The following DPP10 variants were observed in gnomAD, a reference collection of about 807,000 sequenced individuals.
The protein encoded by DPP10 is inactive dipeptidyl peptidase 10.
DPP10 carries 33 observed loss-of-function variants against 120.9 expected under a neutral mutation model. The ratio of observed to expected loss-of-function variants is 0.27; its 90% confidence interval spans 0.21 to 0.37. The LOEUF is 0.37. Ranked by LOEUF, DPP10 falls within the 10% of genes least tolerant of loss-of-function variation. The probability of loss-of-function intolerance (pLI) is 1.00; values close to 1 mark genes in which losing one functional copy is unlikely to be tolerated. For missense variants in DPP10, 816 were observed against 942.8 expected (o/e 0.87, Z 1.76); for synonymous variants, 337 against 326.1 (o/e 1.03, Z -0.36).
rs1218882734 is a variant in DPP10, at chr2:115,745,621, G to A, written c.853-465G>A. 3.3e-5 allele frequency among the ~76,000 whole-genome samples: 5 copies of A among 150,564 alleles called. 2 individuals carry two copies. The Admixed American group carries it at 3.5e-4, about 11-fold the overall frequency. ...ACGGTTTTGGAATTTTAAGCACAGG[G>A]CACCTGGTTTTGGTAGGCGTCTTTC... On this transcript the variant is annotated intron_variant, in intron 9 of 25. Transcript: ENST00000410059.
intron 1 of DPP10, among the ~76,000 whole-genome samples, chr2:114,567,593 TAA>T (rs944278103): frequency 2.0e-5 from 3 of 152,164 alleles, no homozygotes; most frequent in African/African-American, 7.2e-5. Context: ...TGTGACATAA[TAA>T]AATTACATTT....
intron 1 of DPP10, among the ~76,000 whole-genome samples, chr2:114,797,007 C>G (rs542096246): frequency 6.6e-6 from 1 of 152,182 alleles, no homozygotes; most frequent in Admixed American, 6.5e-5. Context: ...CTACATAGCT[C>G]AACAGTCTAG....
intron 3 of DPP10, among the ~76,000 whole-genome samples, chr2:115,366,971 A>G (rs1559491132): frequency 6.6e-6 from 1 of 152,028 alleles, no homozygotes; most frequent in South Asian, 2.1e-4. Context: ...ATATCCCGCA[A>G]TATGTGGAAT....
intron 1 of DPP10, among the ~76,000 whole-genome samples, chr2:115,071,287 C>T (rs909032823): frequency 9.2e-5 from 14 of 152,250 alleles, no homozygotes; most frequent in Admixed American, 7.2e-4. Flanking sequence ...ACATCCTCCT[C>T]CACGTCCCAT....
At chr2:115,232,378 G>C (rs1427884139) in intron 1 of DPP10, among the ~76,000 whole-genome samples, 2 of 152,138 alleles carry the variant, frequency 1.3e-5, no homozygotes, top group Non-Finnish European at 2.9e-5. Flanking sequence ...AGCTGGGTAT[G>C]GGGGAGAAGG....
intron 1 of DPP10, among the ~76,000 whole-genome samples, chr2:114,476,013 T>C (rs1680342675): frequency 6.6e-6 from 1 of 152,152 alleles, no homozygotes; most frequent in Non-Finnish European, 1.5e-5. Flanking sequence ...AGGGCCAGGG[T>C]TTTTCTTCTA....
intron 1 of DPP10, among the ~76,000 whole-genome samples, chr2:115,040,560 A>G (rs1384943726): frequency 6.6e-6 from 1 of 151,430 alleles, no homozygotes; most frequent in Non-Finnish European, 1.5e-5. Context: ...GTTTTCTGTG[A>G]TCACCTGGTG....
At chr2:115,715,969 A>G (rs1300982966) in intron 7 of DPP10, among the ~76,000 whole-genome samples, 4 of 152,208 alleles carry the variant, frequency 2.6e-5, no homozygotes, top group African/African-American at 9.7e-5. Flanking sequence ...AAATAATACA[A>G]ATACAGACAT....
intron 1 of DPP10, among the ~76,000 whole-genome samples, chr2:114,749,908 C>T (rs560965871): frequency 6.6e-6 from 1 of 152,140 alleles, no homozygotes; most frequent in African/African-American, 2.4e-5. Context: ...ATAATTTAGG[C>T]TACAAAGGAG....
At chr2:115,284,261 A>C (rs543785417) in intron 1 of DPP10, among the ~76,000 whole-genome samples, 1 of 152,150 alleles carries the variant, frequency 6.6e-6, no homozygotes, top group Admixed American at 6.6e-5. Context: ...GACAAAATGC[A>C]AATTACTTCT....
intron 1 of DPP10, among the ~76,000 whole-genome samples, chr2:114,533,910 T>TAA (rs1182253368): frequency 6.6e-6 from 1 of 152,190 alleles, no homozygotes; most frequent in African/African-American, 2.4e-5. Context: ...CCTTTACATC[T>TAA]AAAAACTCTT....
chr2:114,854,493 A>G (rs1010906815), intron 1 of DPP10, among the ~76,000 whole-genome samples: 2 of 152,212 alleles, frequency 1.3e-5, no homozygotes, highest in Admixed American at 1.3e-4. Flanking sequence ...CACCTCTGGC[A>G]GAGAGGTTGG....
intron 5 of DPP10, among the ~76,000 whole-genome samples, chr2:115,528,737 T>G (rs770323932): frequency 6.6e-6 from 1 of 151,992 alleles, no homozygotes. Context: ...TTCGGAATTA[T>G]GCCAAGTGAA....
chr2:114,673,052 G>T (rs1001544438), intron 1 of DPP10, among the ~76,000 whole-genome samples: 2 of 152,114 alleles, frequency 1.3e-5, no homozygotes, highest in Non-Finnish European at 2.9e-5. Flanking sequence ...TTAGGACTGT[G>T]ATTTGAGTAT....
intron 1 of DPP10, among the ~76,000 whole-genome samples, chr2:115,200,142 T>C (rs2055590645): frequency 6.6e-6 from 1 of 152,108 alleles, no homozygotes; most frequent in African/African-American, 2.4e-5. Context: ...AGCAAGAAAA[T>C]TTAACAGTGC....
At chr2:115,180,348 G>T (rs17355498) in intron 1 of DPP10, among the ~76,000 whole-genome samples, 56,481 of 151,968 alleles carry the variant, frequency 0.37, 12,267 homozygotes, top group Non-Finnish European at 0.49. Flanking sequence ...ATACTGAATA[G>T]GTATGACTTG....
intron 1 of DPP10, among the ~76,000 whole-genome samples, chr2:114,778,530 G>T (rs191541243): frequency 1.3e-5 from 2 of 152,056 alleles, no homozygotes; most frequent in African/African-American, 4.8e-5. Flanking sequence ...TCTTTTTCAC[G>T]CAATTATTTA....
At chr2:115,805,758 G>C (rs1685880017) in intron 19 of DPP10, among the ~76,000 whole-genome samples, 1 of 151,832 alleles carries the variant, frequency 6.6e-6, no homozygotes, top group Non-Finnish European at 1.5e-5. Flanking sequence ...TACTTTTAGT[G>C]GAGATGGGCT....
chr2:115,832,872 C>T (rs1689077706), intron 21 of DPP10, among the ~76,000 whole-genome samples: 1 of 151,956 alleles, frequency 6.6e-6, no homozygotes, highest in African/African-American at 2.4e-5. Context: ...TTCCGGTAGG[C>T]ACCTTTATTA....
Sources: gnomAD v4.1 joint callset for allele counts (sites outside exome capture counted in the v4.1 genomes callset) on GRCh38, gnomAD v4.1.1 for gene constraint, MANE v1.5 for transcripts, NCBI Gene and HGNC (gene_info 2026-07-23, HGNC 2026-07-21) for gene names.